The following TEX14 variants were observed in gnomAD, a reference collection of about 807,000 sequenced individuals.
TEX14 encodes the protein testis expressed 14, intercellular bridge forming factor, also known as inactive serine/threonine-protein kinase TEX14.
TEX14 carries 168 observed loss-of-function variants against 178.6 expected under a neutral mutation model. The observed-to-expected ratio is 0.94, with a 90% CI of 0.83 to 1.07. The LOEUF (loss-of-function observed/expected upper bound fraction) is 1.07, where lower values mean the gene tolerates loss of function less well. TEX14 is among the 50% of genes least tolerant of loss of function. The pLI, the probability that TEX14 is intolerant of heterozygous loss-of-function variation, is 0.00. For missense variants in TEX14, 1,730 were observed against 1,753.6 expected, an observed-to-expected ratio of 0.99 and a Z score of 0.24; for synonymous variants, 626 against 634.1, an observed-to-expected ratio of 0.99 and a Z score of 0.19.
chr17:58,585,626 T>G (rs1219910172), intron 18 of TEX14, among the ~76,000 whole-genome samples, 175 bp downstream of exon 18: 1 of 145,934 alleles, frequency 6.9e-6, no homozygotes, highest in Non-Finnish European at 1.5e-5. Flanking sequence ...TTTTTTTTTT[T>G]TTTTTTTTTT....
intron 1 of TEX14, among the ~76,000 whole-genome samples, chr17:58,656,762 A>AG (rs990285395): frequency 3.3e-5 from 5 of 150,686 alleles, no homozygotes; most frequent in African/African-American, 1.2e-4. Flanking sequence ...AAAAAAAAAA[A>AG]AAAGAAAAAA....
At chr17:58,626,021 T>C (rs1057237578) in intron 3 of TEX14, among the ~76,000 whole-genome samples, 6 of 152,110 alleles carry the variant, frequency 3.9e-5, no homozygotes, top group Non-Finnish European at 8.8e-5. Flanking sequence ...GTGCTGGGAT[T>C]ACAGGCGTGA....
At chr17:58,619,617 G>C (rs994287202) in intron 5 of TEX14, among the ~76,000 whole-genome samples, 10 of 151,992 alleles carry the variant, frequency 6.6e-5, no homozygotes, top group African/African-American at 2.4e-4. Context: ...AGACTAGCCT[G>C]GCCACGGTGA....
chr17:58,582,026 G>T (rs1327449726), intron 19 of TEX14, among the ~76,000 whole-genome samples: 1 of 152,094 alleles, frequency 6.6e-6, no homozygotes, highest in Non-Finnish European at 1.5e-5. Flanking sequence ...TTCTAAATAA[G>T]GAGAAAGGCC....
At chr17:58,603,438 C>T (rs2045517751) in intron 11 of TEX14, among the ~76,000 whole-genome samples, 1 of 151,540 alleles carries the variant, frequency 6.6e-6, no homozygotes, top group Non-Finnish European at 1.5e-5. Flanking sequence ...CATGTAATCT[C>T]AGCTACTCTG....
intron 18 of TEX14, 90 bp downstream of exon 18, chr17:58,585,711 T>A: frequency 1.6e-6 from 2 of 1,222,386 alleles, no homozygotes; most frequent in Non-Finnish European, 2.2e-6. Flanking sequence ...TCGCCTCACC[T>A]CCCAAAGTGC....
chr17:58,652,018 G>A lies in TEX14; in HGVS notation c.-1-16C>T, dbSNP rs758567077. On this transcript the variant is annotated splice_polypyrimidine_tract_variant and intron_variant, in intron 1 of 31. Transcript: ENST00000349033. ...CCGAGACATCCTGTTCCAAAAGAGA[G>A]CAATATGCTTATTTTAACTGAACCA... 6.7e-7 allele frequency: 1 copy of A among 1,503,192 alleles called. No individual in the cohort carries two copies. The highest frequency in any genetic ancestry group is 2.4e-5 in the East Asian group (1 of 41,640). The allele number at this position is 1,503,192 out of a possible 1,614,324, so 93.1% of individuals were successfully genotyped here. A position where few individuals can be genotyped will look rare whatever the true frequency, so the allele number is the denominator to read the frequency against.
chr17:58,634,907 G>A (rs934767227), intron 2 of TEX14, among the ~76,000 whole-genome samples: 8 of 152,192 alleles, frequency 5.3e-5, no homozygotes, highest in East Asian at 3.9e-4. Context: ...CGAGGCAGGC[G>A]GATTACCTGA....
intron 1 of TEX14, among the ~76,000 whole-genome samples, chr17:58,656,447 A>AAAAAC (rs986407768): frequency 6.7e-6 from 1 of 150,142 alleles, no homozygotes; most frequent in Non-Finnish European, 1.5e-5. Context: ...TCTGTCTCAA[A>AAAAAC]AAAACAAAAC....
At chr17:58,690,494 C>G (rs754957095) in intron 1 of TEX14, among the ~76,000 whole-genome samples, 1 of 152,088 alleles carries the variant, frequency 6.6e-6, no homozygotes, top group South Asian at 2.1e-4. Context: ...CCACTGTCAA[C>G]GAAAGAAATT....
chr17:58,618,772 C>T (rs1412776002), intron 5 of TEX14, among the ~76,000 whole-genome samples: 1 of 152,240 alleles, frequency 6.6e-6, no homozygotes, highest in Non-Finnish European at 1.5e-5. Flanking sequence ...AGCAACTCAT[C>T]AGTGCCAAGC....
At chr17:58,568,617 TAC>T (rs1265681397) in intron 26 of TEX14, among the ~76,000 whole-genome samples, 1 of 152,246 alleles carries the variant, frequency 6.6e-6, no homozygotes, top group Non-Finnish European at 1.5e-5. Context: ...ATGTAACATT[TAC>T]TTTCAGCATC....
Position 58,599,014 on chromosome 17 carries a change from C to T in TEX14, c.2331G>A (p.Glu777=). ...GAGGTAACTTGTAGGCATTTGTAAACTCTCTTGAAGTGGCCCATAAAGACA... is the reference window on the plus strand; with the variant it reads ...GAGGTAACTTGTAGGCATTTGTAAATTCTCTTGAAGTGGCCCATAAAGACA... ...ERMSLWATSR[E]FTNAYKLPLA... The change falls in exon 14 of 32, where the codon GAG becomes GAA. Residue 777 remains glutamate (E), a synonymous_variant. Coordinates refer to ENST00000349033, the MANE Select transcript of TEX14 (RefSeq NM_031272.5). 4 of 1,614,168 alleles carry T rather than the reference C, an allele frequency of 2.5e-6. No homozygotes were observed. Among genetic ancestry groups the T allele is most frequent in the Non-Finnish European group, 2.5e-6 (3 of 1,180,026 alleles).
chr17:58,611,410 A>T, intron 9 of TEX14, 71 bp from the exon 10 acceptor site: 1 of 1,147,892 alleles, frequency 8.7e-7, no homozygotes. Flanking sequence ...GCATTTTGTG[A>T]TTTCCAGTCT....
rs200915772 is a variant in TEX14, at chr17:58,575,113, C to CT, written c.3321-865dup. ...CATGCTAAATCCTTCCATGTTTTCACTTTTTTTTTTTTTTTTTTGAGATGG... is the reference window on the plus strand; with the variant it reads ...CATGCTAAATCCTTCCATGTTTTCACTTTTTTTTTTTTTTTTTTTGAGATGG... On this transcript the variant is annotated intron_variant, in intron 21 of 31. Transcript: ENST00000349033. 6.4e-3 allele frequency among the ~76,000 whole-genome samples: 871 copies of CT among 135,492 alleles called. 5 individuals carry two copies. The highest frequency in any genetic ancestry group is 0.016 in the African/African-American group (583 of 35,924). The allele number at this position is 135,492 out of a possible 152,430, so 88.9% of individuals were successfully genotyped here.
At chr17:58,614,676 G>A (rs763667198) in intron 8 of TEX14, among the ~76,000 whole-genome samples, 1 of 152,174 alleles carries the variant, frequency 6.6e-6, no homozygotes, top group Non-Finnish European at 1.5e-5. Context: ...AGAAGTTGAG[G>A]AGCCTTCTTA....
Position 58,585,854 on chromosome 17 carries a change from T to G in TEX14, c.3017A>C (p.Asn1006Thr). 1 of 1,614,082 alleles carries G rather than the reference T, an allele frequency of 6.2e-7. No individual in the cohort carries two copies. Among genetic ancestry groups the G allele is most frequent in the Non-Finnish European group, 8.5e-7 (1 of 1,180,016 alleles). Residue 1006 changes from asparagine to threonine, a missense_variant, in exon 18 of 32, where the codon AAT becomes ACT. Asn to Thr is a moderately conservative substitution (Grantham distance 65). Coordinates refer to ENST00000349033, the MANE Select transcript of TEX14 (RefSeq NM_031272.5). ...GNGKFDKTGN[N>T]DCDSDQHGRQ... ...GCCATGCTGGTCACTGTCACAGTCA[T>G]TGTTGCCCGTCTTGTCAAACTTGCC... is the stretch of plus-strand genomic sequence containing the variant.
intron 1 of TEX14, among the ~76,000 whole-genome samples, chr17:58,683,052 C>CAAA (rs1194798521): frequency 1.3e-4 from 7 of 53,958 alleles, no homozygotes; most frequent in Admixed American, 2.1e-4. Flanking sequence ...GAGTCTGTCT[C>CAAA]AAAAAAAAAA....
chr17:58,600,988 C>G (rs1331675363), intron 13 of TEX14, among the ~76,000 whole-genome samples: 1 of 152,126 alleles, frequency 6.6e-6, no homozygotes, highest in Non-Finnish European at 1.5e-5. Flanking sequence ...GTGGCTTATA[C>G]CTGTAATCCA....
Sources: gnomAD v4.1 joint callset for allele counts (sites outside exome capture counted in the v4.1 genomes callset) on GRCh38, gnomAD v4.1.1 for gene constraint, MANE v1.5 for transcripts, NCBI Gene and HGNC (gene_info 2026-07-23, HGNC 2026-07-21) for gene names.